HEXD: variants seen among roughly 807,000 people sequenced by gnomAD.
The protein encoded by HEXD is N-acetyl-beta-galactosaminidase.
A neutral mutation model predicts 54.2 loss-of-function variants in HEXD; 47 were observed. The observed-to-expected ratio is 0.87, with a 90% CI of 0.69 to 1.11. The LOEUF is 1.11. HEXD is among the 50% of genes least tolerant of loss of function. HEXD has a pLI of 0.00. For synonymous variants in HEXD, 293 were observed against 287.6 expected (o/e 1.02, Z -0.19); for missense variants, 576 against 649.2 (o/e 0.89, Z 1.23).
chr17:82,440,297 C>A, intron 9 of HEXD: 1 of 1,268,530 alleles, frequency 7.9e-7, no homozygotes. Flanking sequence ...GAGAGCGGGA[C>A]CCGCAGGCGC....
rs2053834689 is a variant in HEXD at position 82,438,388 on chromosome 17, C to CCTGTAGGAGATA, written c.899+1026_899+1027insTGTAGGAGATAC. Among the ~76,000 whole-genome samples, 3 of 152,134 alleles carry CCTGTAGGAGATA rather than the reference C, an allele frequency of 2.0e-5. No individual in the cohort carries two copies. The South Asian group carries it at 6.2e-4, about 31-fold the overall frequency. On this transcript the variant is annotated intron_variant, in intron 8 of 12. Transcript: ENST00000327949. ...GGACTGTCGGCTGTTGTAGGAGTGG[C>CCTGTAGGAGATA]CCCTGCAGGTATCTAAGCACTTCCT...
At chr17:82,423,228 T>G (rs1229658888) in intron 2 of HEXD, 1 of 152,264 alleles carries the variant, frequency 6.6e-6, no homozygotes, top group Non-Finnish European at 1.5e-5. Context: ...GGCTGCGTGA[T>G]TCTGCTTTTC....
Position 82,435,629 on chromosome 17 carries a change from G to A in HEXD, c.448-60G>A, listed in dbSNP as rs778385072. The A allele has an allele frequency of 2.7e-5, 41 of 1,539,892 alleles. No individual in the cohort carries two copies. In the African/African-American group the frequency reaches 3.3e-4, roughly 12 times the overall value. ...TCCGTCAGGGCACGGCGTGAACCCC[G>A]GACCCTCCCACCGGTGTGCACGGCT... On this transcript the variant is annotated intron_variant, in intron 5 of 12. Coordinates refer to ENST00000327949, the MANE Select transcript of HEXD (RefSeq NM_001330542.2).
At chr17:82,435,895 G>A (rs749458509) in intron 6 of HEXD, 23 bp downstream of exon 6, 60 of 1,592,586 alleles carry the variant, frequency 3.8e-5, no homozygotes, top group Non-Finnish European at 4.7e-5. Flanking sequence ...GGCTGGGGGA[G>A]GGGGTGGGCC....
Position 82,432,436 on chromosome 17 carries a change from T to C in HEXD, c.283-1222T>C, listed in dbSNP as rs912679657. 5.3e-5 allele frequency among the ~76,000 whole-genome samples: 8 copies of C among 152,128 alleles called. No individual in the cohort carries two copies. The South Asian group carries it at 8.3e-4, about 16-fold the overall frequency. Reference sequence around the variant, plus strand: ...CAAGGGGTGGGTTTTTAACCCAGCCTCAAGTTAAGTCTGCCCCTTTGGCAG... The same window carrying C: ...CAAGGGGTGGGTTTTTAACCCAGCCCCAAGTTAAGTCTGCCCCTTTGGCAG... On this transcript the variant is annotated intron_variant, in intron 4 of 12. Coordinates refer to ENST00000327949, the MANE Select transcript of HEXD (RefSeq NM_001330542.2).
Position 82,433,077 on chromosome 17 carries a change from G to GAAAAAAAAAAAAA in HEXD, c.283-578_283-566dup, listed in dbSNP as rs71168108. ...CAAGACTCCATCTCAAAAAAAAAAA[G>GAAAAAAAAAAAAA]AAAAAAAAAAAAAAATATATATATA... On this transcript the variant is annotated intron_variant, in intron 4 of 12. Transcript: ENST00000327949. 1.0e-3 allele frequency among the ~76,000 whole-genome samples: 8 copies of GAAAAAAAAAAAAA among 7,832 alleles called. 1 individual carries two copies. Among genetic ancestry groups the GAAAAAAAAAAAAA allele is most frequent in the Admixed American group, 5.7e-3 (2 of 352 alleles). 5.1% of individuals were successfully genotyped at this position (7,832 alleles called of 152,430 possible).
chr17:82,419,573 C>G (rs988784789), intron 1 of HEXD, among the ~76,000 whole-genome samples, 176 bp from the exon 2 acceptor site: 2 of 152,150 alleles, frequency 1.3e-5, no homozygotes, highest in African/African-American at 4.8e-5. Context: ...TAGCAGAGGT[C>G]TCTATATCTT....
At chr17:82,424,534 C>T (rs200422393) in intron 3 of HEXD, 31 bp downstream of exon 3, 55 of 1,513,936 alleles carry the variant, frequency 3.6e-5, no homozygotes, top group East Asian at 3.4e-4. Flanking sequence ...TACAGGGGCG[C>T]GGCGTGAAAG....
chr17:82,436,992 T>C, intron 7 of HEXD, 176 bp from the exon 8 acceptor site: 1 of 677,650 alleles, frequency 1.5e-6, no homozygotes, highest in Non-Finnish European at 2.6e-6. Flanking sequence ...CTCTGGAGTC[T>C]CCCCGACTGG....
intron 9 of HEXD, chr17:82,440,098 C>T: frequency 7.7e-7 from 1 of 1,298,578 alleles, no homozygotes; most frequent in Non-Finnish European, 1.0e-6. Flanking sequence ...CACCCTGGAC[C>T]CAGCACTCAC....
chr17:82,422,365 C>T (rs904308191), intron 2 of HEXD, among the ~76,000 whole-genome samples: 11 of 151,464 alleles, frequency 7.3e-5, no homozygotes, highest in East Asian at 5.8e-4. Flanking sequence ...GGCTCAGCGG[C>T]TCACAACTGT....
rs763448328 is a variant in HEXD, at chr17:82,435,733, G to C, written c.492G>C (p.Gln164His). The C allele has an allele frequency of 2.5e-6, 4 of 1,612,814 alleles. No individual in the cohort carries two copies. In the Admixed American group the frequency reaches 6.7e-5, roughly 27 times the overall value. ...GGGAGGCCTCGCGCCGGTGGCTACA[G>C]CAAGAGCAGAACAGCACGGGGAAGT... The part of the protein sequence containing the change: ...GEGEASRRWL[Q>H]QEQNSTGKLC... Residue 164 changes from glutamine (Q) to histidine (H), a missense_variant, in exon 6 of 13, where the codon CAG (glutamine) becomes CAC (histidine). Transcript: ENST00000327949.
intron 8 of HEXD, among the ~76,000 whole-genome samples, 161 bp downstream of exon 8, chr17:82,437,524 C>A (rs949660757): frequency 6.6e-6 from 1 of 152,250 alleles, no homozygotes; most frequent in Non-Finnish European, 1.5e-5. Flanking sequence ...GGGTTGGGCC[C>A]TGCACGCCAG....
At chr17:82,438,108 G>C (rs1043049133) in intron 8 of HEXD, among the ~76,000 whole-genome samples, 9 of 152,044 alleles carry the variant, frequency 5.9e-5, no homozygotes, top group Admixed American at 5.9e-4. Context: ...GTGGTGGCAC[G>C]CGCCTATGAT....
chr17:82,433,110 ATATATATATATATATATAT>A (rs2053642847), intron 4 of HEXD, among the ~76,000 whole-genome samples: 1 of 16,558 alleles, frequency 6.0e-5, no homozygotes, highest in Non-Finnish European at 8.7e-5. Context: ...ATATATATAT[ATATATATATATATATATAT>A]TTTTTTTTTT....
Position 82,436,777 on chromosome 17 carries a change from T to C in HEXD, c.703+39T>C, listed in dbSNP as rs1247388477. ...TGTGGGGGGTGTGTTGTCCTGGCCA[T>C]GTGCCTGGGAAGGCCATCCCTGGCC... On this transcript the variant is annotated intron_variant, in intron 7 of 12. Coordinates refer to ENST00000327949, the MANE Select transcript of HEXD (RefSeq NM_001330542.2). 5.1e-6 allele frequency: 8 copies of C among 1,577,270 alleles called. 1 individual carries two copies. In the Admixed American group the frequency reaches 1.0e-4, roughly 21 times the overall value.
chr17:82,435,551 A>G, intron 5 of HEXD, 138 bp from the exon 6 acceptor site: 1 of 756,296 alleles, frequency 1.3e-6, no homozygotes, highest in Non-Finnish European at 2.1e-6. Context: ...GGGGGTGGTA[A>G]GCAAAGGCTC....
rs372750225 is a variant in HEXD at position 82,437,118 on chromosome 17, GTGTTGGCCGCC to G, written c.704-48_704-38del. On this transcript the variant is annotated intron_variant, in intron 7 of 12. Transcript: ENST00000327949. ...AGCCCCGGGAGGCGTGTCCAGGGCC[GTGTTGGCCGCC>G]TCCCCTGGAGCCACTCACCTGTTTG... The G allele has an allele frequency of 2.0e-4, 305 of 1,494,982 alleles. No homozygotes were observed. In the African/African-American group the frequency reaches 3.5e-3, roughly 17 times the overall value. 92.6% of individuals were successfully genotyped at this position (1,494,982 alleles called of 1,614,324 possible).
rs1243005498 is a variant in HEXD, at chr17:82,433,144, TA to T, written c.283-513del. On this transcript the variant is annotated intron_variant, in intron 4 of 12. Transcript: ENST00000327949. ...TATATATATATTTTTTTTTTTTTTT[TA>T]TATATATATTTTTAGTCTGGGCGTG... Among the ~76,000 whole-genome samples the T allele has an allele frequency of 1.7e-3, 117 of 69,804 alleles. 2 individuals are homozygous for T. Among genetic ancestry groups the T allele is most frequent in the Middle Eastern group, 6.3e-3 (1 of 158 alleles). 45.8% of individuals were successfully genotyped at this position (69,804 alleles called of 152,430 possible).
Sources: allele counts gnomAD v4.1 joint callset (sites outside exome capture counted in the v4.1 genomes callset), GRCh38; gene constraint gnomAD v4.1.1; transcripts MANE v1.5; gene names NCBI Gene and HGNC (gene_info 2026-07-23, HGNC 2026-07-21).